ZNF385B: variants seen among roughly 807,000 people sequenced by gnomAD.
The protein encoded by ZNF385B is zinc finger protein 533.
ZNF385B carries 23 observed loss-of-function variants against 39.2 expected under a neutral mutation model. The ratio of observed to expected loss-of-function variants is 0.59; its 90% confidence interval spans 0.42 to 0.83. The LOEUF (loss-of-function observed/expected upper bound fraction) is 0.83. Ranked by LOEUF, ZNF385B falls within the 40% of genes least tolerant of loss-of-function variation. The pLI is 0.00. For synonymous variants in ZNF385B, 205 were observed against 222.6 expected (o/e 0.92, Z 0.70); for missense variants, 552 against 598.9 (o/e 0.92, Z 0.82).
chr2:179,767,680 GTACGCATGCACACATGATAGCA>G (rs1165937890), intron 3 of ZNF385B, among the ~76,000 whole-genome samples: 1 of 152,066 alleles, frequency 6.6e-6, no homozygotes, highest in Non-Finnish European at 1.5e-5. Flanking sequence ...AGTAGATAGT[GTACGCATGCACACATGATAGCA>G]CTAGGTATAT....
intron 3 of ZNF385B, among the ~76,000 whole-genome samples, chr2:179,638,353 A>G (rs536010018): frequency 1.1e-4 from 17 of 152,216 alleles, no homozygotes; most frequent in Admixed American, 2.6e-4. Context: ...AGAGAGACAA[A>G]TATTCTAAGG....
intron 3 of ZNF385B, among the ~76,000 whole-genome samples, chr2:179,616,224 A>ACAATAG (rs1481963617): frequency 3.3e-5 from 5 of 152,222 alleles, no homozygotes; most frequent in African/African-American, 1.2e-4. Flanking sequence ...AAATGAGAGT[A>ACAATAG]CTTAGTACAA....
At chr2:179,732,500 A>G (rs1173929776) in intron 3 of ZNF385B, among the ~76,000 whole-genome samples, 1 of 152,228 alleles carries the variant, frequency 6.6e-6, no homozygotes, top group African/African-American at 2.4e-5. Flanking sequence ...GACAGAAGGA[A>G]AATAGCTAGA....
At chr2:179,729,722 T>A (rs557870849) in intron 3 of ZNF385B, among the ~76,000 whole-genome samples, 1 of 152,322 alleles carries the variant, frequency 6.6e-6, no homozygotes, top group African/African-American at 2.4e-5. Context: ...ATCCCCATAA[T>A]GCCCATGTGT....
intron 3 of ZNF385B, among the ~76,000 whole-genome samples, chr2:179,658,380 C>T (rs1185510569): frequency 6.6e-6 from 1 of 152,164 alleles, no homozygotes; most frequent in Non-Finnish European, 1.5e-5. Flanking sequence ...GCATTTTACA[C>T]AGGTATACAG....
At chr2:179,524,027 G>C (rs2058695202) in intron 4 of ZNF385B, among the ~76,000 whole-genome samples, 1 of 151,926 alleles carries the variant, frequency 6.6e-6, no homozygotes, top group African/African-American at 2.4e-5. Context: ...TGAACTTCTG[G>C]CCTCATGTGA....
intron 5 of ZNF385B, among the ~76,000 whole-genome samples, chr2:179,484,214 A>G (rs1222544017): frequency 3.9e-5 from 6 of 152,124 alleles, no homozygotes; most frequent in African/African-American, 7.2e-5. Flanking sequence ...TAATCAACTT[A>G]CTGACATTTG....
chr2:179,835,557 C>T (rs1332811025), intron 1 of ZNF385B, among the ~76,000 whole-genome samples: 1 of 152,118 alleles, frequency 6.6e-6, no homozygotes, highest in Non-Finnish European at 1.5e-5. Context: ...ACGACGCTTG[C>T]TAACATTCCT....
chr2:179,829,886 T>C (rs1707889974), intron 1 of ZNF385B, among the ~76,000 whole-genome samples: 1 of 152,128 alleles, frequency 6.6e-6, no homozygotes, highest in Non-Finnish European at 1.5e-5. Flanking sequence ...GAAACTTAAC[T>C]GAAATTTAAA....
At chr2:179,738,762 T>C (rs1701916390) in intron 3 of ZNF385B, among the ~76,000 whole-genome samples, 1 of 152,204 alleles carries the variant, frequency 6.6e-6, no homozygotes, top group African/African-American at 2.4e-5. Flanking sequence ...TGTCTTCCTA[T>C]ATATGTATTA....
At chr2:179,725,902 T>TTGTG (rs769169818) in intron 3 of ZNF385B, among the ~76,000 whole-genome samples, 2 of 138,440 alleles carry the variant, frequency 1.4e-5, no homozygotes, top group Non-Finnish European at 3.1e-5. Flanking sequence ...ATATATGTGT[T>TTGTG]TGTGTGTGTA....
chr2:179,444,815 A>G (rs887661170), intron 9 of ZNF385B, 61 bp downstream of exon 9: 1 of 1,419,396 alleles, frequency 7.0e-7, no homozygotes, highest in Non-Finnish European at 1.0e-6. Context: ...CTTGCCCACA[A>G]TGGCTGCCCA....
At chr2:179,786,991 T>C (rs1705044582) in intron 1 of ZNF385B, among the ~76,000 whole-genome samples, 1 of 152,136 alleles carries the variant, frequency 6.6e-6, no homozygotes, top group East Asian at 1.9e-4. Context: ...ACGCACTTAT[T>C]TGCAATAATT....
chr2:179,731,389 G>C (rs1701378743), intron 3 of ZNF385B, among the ~76,000 whole-genome samples: 1 of 152,132 alleles, frequency 6.6e-6, no homozygotes, highest in Non-Finnish European at 1.5e-5. Context: ...CTGATACCAA[G>C]TCACAAAATC....
At position 179,529,309 on chromosome 2, in the gene ZNF385B, CTTTG is replaced by C. The variant is rs372210115; in HGVS notation, c.442-10675_442-10672del. 2.6e-3 allele frequency among the ~76,000 whole-genome samples: 389 copies of C among 152,180 alleles called. 5 individuals carry two copies. The highest frequency in any genetic ancestry group is 8.8e-3 in the African/African-American group (364 of 41,554). On this transcript the variant is annotated intron_variant, in intron 4 of 9. Transcript: ENST00000410066. ...TCTTCTAAGAAAACTCTGTGCTTTT[CTTTG>C]TTTGTTTCCATTCTTGAATAAGCAA...
chr2:179,651,617 TA>T (rs1313592580), intron 3 of ZNF385B, among the ~76,000 whole-genome samples: 1 of 152,146 alleles, frequency 6.6e-6, no homozygotes, highest in African/African-American at 2.4e-5. Flanking sequence ...CCTCGTTCAC[TA>T]CAAATAAAAA....
intron 1 of ZNF385B, among the ~76,000 whole-genome samples, chr2:179,819,914 C>T (rs1707301887): frequency 6.6e-6 from 1 of 152,142 alleles, no homozygotes; most frequent in African/African-American, 2.4e-5. Context: ...GCACGAGGTA[C>T]TTCCCCTAAC....
At chr2:179,529,176 T>A (rs771764212) in intron 4 of ZNF385B, among the ~76,000 whole-genome samples, 1 of 152,212 alleles carries the variant, frequency 6.6e-6, no homozygotes, top group Non-Finnish European at 1.5e-5. Flanking sequence ...CTGAAAGGTC[T>A]GGTTGGTTAA....
At chr2:179,488,139 T>C (rs1281428624) in intron 5 of ZNF385B, among the ~76,000 whole-genome samples, 1 of 152,090 alleles carries the variant, frequency 6.6e-6, no homozygotes, top group Non-Finnish European at 1.5e-5. Context: ...ACCTTACTTA[T>C]TTCTTTTCTT....
Sources: gnomAD v4.1 joint callset for allele counts (sites outside exome capture counted in the v4.1 genomes callset) on GRCh38, gnomAD v4.1.1 for gene constraint, MANE v1.5 for transcripts, NCBI Gene and HGNC (gene_info 2026-07-23, HGNC 2026-07-21) for gene names.